The following LDLRAD4 variants were observed in gnomAD, a reference collection of about 807,000 sequenced individuals.
The protein encoded by LDLRAD4 is low-density lipoprotein receptor class A domain-containing protein 4.
A neutral mutation model predicts 17.0 loss-of-function variants in LDLRAD4; 5 were observed. That is an observed-to-expected ratio of 0.29 (90% CI 0.15 to 0.62). LDLRAD4 has a LOEUF of 0.62. Among genes scored for constraint, LDLRAD4 ranks in the 20% least tolerant of loss-of-function variants. The probability of loss-of-function intolerance (pLI) is 0.84; values close to 1 mark genes in which losing one functional copy is unlikely to be tolerated. For synonymous variants in LDLRAD4, 168 were observed against 171.8 expected, an observed-to-expected ratio of 0.98 and a Z score of 0.17; for missense variants, 340 against 424.7, an observed-to-expected ratio of 0.80 and a Z score of 1.75.
intron 4 of LDLRAD4, among the ~76,000 whole-genome samples, chr18:13,643,129 T>G (rs369293060): frequency 1.3e-5 from 2 of 151,956 alleles, no homozygotes; most frequent in East Asian, 1.9e-4. Context: ...AGAGACGGGG[T>G]TTCACCATGT....
chr18:13,467,925 T>G (rs1232354166), intron 3 of LDLRAD4, among the ~76,000 whole-genome samples: 1 of 152,204 alleles, frequency 6.6e-6, no homozygotes, highest in Non-Finnish European at 1.5e-5. Context: ...CTGGGGCAAC[T>G]GGGTTCCTGC....
At chr18:13,608,046 A>C (rs1342950335) in intron 3 of LDLRAD4, among the ~76,000 whole-genome samples, 1 of 152,148 alleles carries the variant, frequency 6.6e-6, no homozygotes, top group Non-Finnish European at 1.5e-5. Flanking sequence ...GGTTGAACTA[A>C]TTTACACTCC....
rs533166227 is a variant in LDLRAD4 at position 13,260,096 on chromosome 18, A to G, written c.-466-18009A>G. On this transcript the variant is annotated intron_variant, in intron 1 of 5. Transcript: ENST00000399848. ...TTGTAGGATAGTAGGTGCTAAGTTCAGGTCAGTTACTTCCCCTTAAATAGA... is the reference window on the plus strand; with the variant it reads ...TTGTAGGATAGTAGGTGCTAAGTTCGGGTCAGTTACTTCCCCTTAAATAGA... 2.6e-5 allele frequency among the ~76,000 whole-genome samples: 4 copies of G among 152,378 alleles called. No homozygotes were observed. The South Asian group carries it at 6.2e-4, about 24-fold the overall frequency.
At chr18:13,650,433 G>A (rs1172564207) in exon 6 of LDLRAD4, 5 of 398,282 alleles carry the variant, frequency 1.3e-5, no homozygotes, top group Admixed American at 8.8e-5. Flanking sequence ...TACACTATCC[G>A]TGCACATTAT....
rs1191719358 is a variant in LDLRAD4 at position 13,300,908 on chromosome 18, G to A, written c.-383+22720G>A. Among the ~76,000 whole-genome samples, 1 of 152,250 alleles carries A rather than the reference G, an allele frequency of 6.6e-6. No individual in the cohort carries two copies. Among genetic ancestry groups the A allele is most frequent in the Non-Finnish European group, 1.5e-5 (1 of 68,044 alleles). ...GGCAGCGCGTCCCAGCGCTGAACCC[G>A]TGGCACCTGGCTGCTTGGCTGTGAG... is the stretch of plus-strand genomic sequence containing the variant. On this transcript the variant is annotated intron_variant, in intron 1 of 5. Coordinates refer to ENST00000359446, the Ensembl canonical transcript of LDLRAD4. This position sits in a 1 kb window ranked among gnomAD's most constrained non-coding sequence, Gnocchi z 4.2.
chr18:13,248,108 G>A (rs1288604744), intron 1 of LDLRAD4, among the ~76,000 whole-genome samples: 1 of 151,970 alleles, frequency 6.6e-6, no homozygotes, highest in Non-Finnish European at 1.5e-5. Context: ...TTACAGGCGT[G>A]TGCCACCATG....
chr18:13,548,331 T>G (rs1349336070), intron 3 of LDLRAD4, among the ~76,000 whole-genome samples: 1 of 152,240 alleles, frequency 6.6e-6, no homozygotes, highest in Non-Finnish European at 1.5e-5. Flanking sequence ...GGAGCCTGTC[T>G]GCCTCCTGCT....
At chr18:13,364,649 T>G (rs2083921655) in intron 1 of LDLRAD4, among the ~76,000 whole-genome samples, 2 of 152,248 alleles carry the variant, frequency 1.3e-5, no homozygotes, top group African/African-American at 4.8e-5. Flanking sequence ...GCTCTATTAT[T>G]TGATTTTTTT....
chr18:13,433,665 G>T (rs752462421), intron 2 of LDLRAD4, among the ~76,000 whole-genome samples: 2 of 152,068 alleles, frequency 1.3e-5, no homozygotes, highest in South Asian at 4.1e-4. Context: ...ATTCAAATTT[G>T]TTAAGCTACT....
At chr18:13,635,339 T>C (rs1051621299) in intron 4 of LDLRAD4, among the ~76,000 whole-genome samples, 2 of 152,204 alleles carry the variant, frequency 1.3e-5, no homozygotes, top group African/African-American at 4.8e-5. Context: ...GTCCCATTCA[T>C]GAGGACTCCA....
chr18:13,406,136 C>T (rs574870653), intron 2 of LDLRAD4, among the ~76,000 whole-genome samples: 29 of 152,334 alleles, frequency 1.9e-4, no homozygotes, highest in Non-Finnish European at 3.1e-4. Flanking sequence ...AGGGGACCCA[C>T]GCCCATGCTC....
At chr18:13,430,233 C>T (rs2090236942) in intron 2 of LDLRAD4, among the ~76,000 whole-genome samples, 1 of 152,224 alleles carries the variant, frequency 6.6e-6, no homozygotes, top group Admixed American at 6.5e-5. Flanking sequence ...GGATATGGTC[C>T]TCATCACCCA....
At chr18:13,420,506 T>G (rs985518247) in intron 2 of LDLRAD4, 3 of 152,274 alleles carry the variant, frequency 2.0e-5, no homozygotes, top group African/African-American at 7.2e-5. Context: ...TCTGTGGGCA[T>G]TATCTCCCTG....
chr18:13,472,811 T>C (rs2092815353), intron 3 of LDLRAD4: 1 of 152,218 alleles, frequency 6.6e-6, no homozygotes, highest in Non-Finnish European at 1.5e-5. Context: ...TTTCACTGGG[T>C]AGAAAGGGAC....
chr18:13,463,975 A>T (rs1384896218), intron 3 of LDLRAD4, among the ~76,000 whole-genome samples: 1 of 152,224 alleles, frequency 6.6e-6, no homozygotes, highest in Non-Finnish European at 1.5e-5. Context: ...GGAAAGCTTT[A>T]ATCTAGTCCA....
chr18:13,232,383 T>C (rs2042122089), intron 1 of LDLRAD4, among the ~76,000 whole-genome samples: 1 of 152,242 alleles, frequency 6.6e-6, no homozygotes, highest in Non-Finnish European at 1.5e-5. Context: ...TTTGAGCTTC[T>C]GTCCTGGTAC....
At chr18:13,480,971 A>G (rs1280196695) in intron 3 of LDLRAD4, among the ~76,000 whole-genome samples, 1 of 152,216 alleles carries the variant, frequency 6.6e-6, no homozygotes. Flanking sequence ...GACCTAAGCA[A>G]AAGTCCAGCA....
rs556107919 is a variant in LDLRAD4 at position 13,421,867 on chromosome 18, T to C, written c.41-16377T>C. ...CTAGCCTGGGGGACGGGCCTGGGGC[T>C]GGGGTGGGCAGGAGTCCTCGCTGCA... On this transcript the variant is annotated intron_variant, in intron 2 of 5. Coordinates refer to ENST00000359446, the Ensembl canonical transcript of LDLRAD4. Among the ~76,000 whole-genome samples the C allele has an allele frequency of 2.6e-5, 4 of 152,232 alleles. No homozygotes were observed. The East Asian group carries it at 7.7e-4, about 29-fold the overall frequency.
At chr18:13,324,820 CA>C (rs2081433811) in intron 1 of LDLRAD4, among the ~76,000 whole-genome samples, 1 of 152,070 alleles carries the variant, frequency 6.6e-6, no homozygotes, top group African/African-American at 2.4e-5. Context: ...AAAGAGCAGA[CA>C]GGAGGGGAAG....
Sources: gnomAD v4.1 joint callset for allele counts (sites outside exome capture counted in the v4.1 genomes callset) on GRCh38, gnomAD v4.1.1 for gene constraint, Gnocchi (gnomAD v3.1) non-coding constraint, MANE v1.5 for transcripts, NCBI Gene and HGNC (gene_info 2026-07-23, HGNC 2026-07-21) for gene names.